CDH13: variants seen among roughly 807,000 people sequenced by gnomAD.
The protein encoded by CDH13 is cadherin-13.
A neutral mutation model predicts 63.8 loss-of-function variants in CDH13; 24 were observed. The observed-to-expected ratio is 0.38, with a 90% CI of 0.27 to 0.53. The LOEUF (loss-of-function observed/expected upper bound fraction) is 0.53. Among genes scored for constraint, CDH13 ranks in the 20% least tolerant of loss-of-function variants. CDH13 has a pLI of 0.85. For missense variants in CDH13, 1,049 were observed against 903.1 expected, an observed-to-expected ratio of 1.16 and a Z score of -2.07; for synonymous variants, 503 against 355.3, an observed-to-expected ratio of 1.42 and a Z score of -4.67.
At chr16:83,737,721 C>T (rs952449720) in intron 10 of CDH13, among the ~76,000 whole-genome samples, 1 of 152,302 alleles carries the variant, frequency 6.6e-6, no homozygotes, top group Middle Eastern at 3.4e-3. Context: ...ATATCATCAA[C>T]AGCCCTGATC....
intron 3 of CDH13, among the ~76,000 whole-genome samples, chr16:83,101,994 G>C (rs1056545149): frequency 2.6e-5 from 4 of 152,172 alleles, no homozygotes; most frequent in Non-Finnish European, 5.9e-5. Flanking sequence ...TCAAGTTAAG[G>C]ATTTTGGATT....
At chr16:83,424,234 A>C (rs1181199176) in intron 6 of CDH13, among the ~76,000 whole-genome samples, 2 of 149,392 alleles carry the variant, frequency 1.3e-5, no homozygotes, top group Non-Finnish European at 3.0e-5. Context: ...ACAGTCTAGA[A>C]GAGGAAAATC....
chr16:83,173,742 C>A (rs936958171), intron 4 of CDH13, among the ~76,000 whole-genome samples: 2 of 152,128 alleles, frequency 1.3e-5, no homozygotes, highest in African/African-American at 4.8e-5. Flanking sequence ...CTCTCCCAAT[C>A]TTCTGGGCCT....
In CDH13 at chr16:83,102,954, T is replaced by C. The variant is rs554188943; in HGVS notation, c.367-22431T>C. 1.2e-3 allele frequency among the ~76,000 whole-genome samples: 135 copies of C among 116,834 alleles called. 3 individuals are homozygous for C. The highest frequency in any genetic ancestry group is 3.9e-3 in the East Asian group (17 of 4,356). 76.6% of individuals were successfully genotyped at this position (116,834 alleles called of 152,430 possible). A position where few individuals can be genotyped will look rare whatever the true frequency, so the allele number is the denominator to read the frequency against. The stretch of plus-strand genomic sequence containing the variant: ...TCTTTTTTTTTTTCTTTTTCTTTTT[T>C]TTTTTTTTTTTTTTTTGAGGTGGAG... On this transcript the variant is annotated intron_variant, in intron 3 of 13. Coordinates refer to ENST00000567109, the MANE Select transcript of CDH13 (RefSeq NM_001257.5).
intron 4 of CDH13, among the ~76,000 whole-genome samples, chr16:83,207,855 T>C (rs144760824): frequency 0.013 from 2,019 of 151,834 alleles, 44 homozygotes; most frequent in African/African-American, 0.046. Context: ...ACAATGAACA[T>C]TGACTTCCTT....
intron 8 of CDH13, among the ~76,000 whole-genome samples, chr16:83,666,624 C>A (rs955454361): frequency 2.0e-5 from 3 of 152,214 alleles, no homozygotes; most frequent in African/African-American, 7.2e-5. Context: ...CCCCTTCATT[C>A]CAGCCACACC....
chr16:82,955,683 A>G (rs1905976072), intron 2 of CDH13, among the ~76,000 whole-genome samples: 1 of 152,214 alleles, frequency 6.6e-6, no homozygotes, highest in African/African-American at 2.4e-5. Context: ...ATTGTGTTAG[A>G]GAAAAATAAA....
chr16:82,969,848 T>C lies in CDH13; in HGVS notation c.158-62162T>C, dbSNP rs1006322766. On this transcript the variant is annotated intron_variant, in intron 2 of 13. Transcript: ENST00000567109. ...ACAAGATGGCTAGCAAACTCTTCTC[T>C]CCAGGAAACGTCTTCCTAATAAGGC... Among the ~76,000 whole-genome samples, 15 of 152,150 alleles carry C rather than the reference T, an allele frequency of 9.9e-5. No homozygotes were observed. In the South Asian group the frequency reaches 1.2e-3, roughly 13 times the overall value.
At chr16:83,566,806 G>T (rs1904284913) in intron 7 of CDH13, among the ~76,000 whole-genome samples, 1 of 152,172 alleles carries the variant, frequency 6.6e-6, no homozygotes, top group South Asian at 2.1e-4. Flanking sequence ...TGCTTCCAGA[G>T]GCAGAATCCC....
At chr16:82,873,539 T>A (rs962989814) in intron 2 of CDH13, among the ~76,000 whole-genome samples, 1 of 152,184 alleles carries the variant, frequency 6.6e-6, no homozygotes, top group Admixed American at 6.5e-5. Context: ...ATATTGCCTG[T>A]CTCTGTCACT....
chr16:83,353,938 G>C (rs1182249810), intron 6 of CDH13, among the ~76,000 whole-genome samples: 1 of 152,192 alleles, frequency 6.6e-6, no homozygotes, highest in Non-Finnish European at 1.5e-5. Flanking sequence ...TCTATATTTG[G>C]AAGAGGGAAG....
At chr16:83,419,298 A>G (rs935132223) in intron 6 of CDH13, among the ~76,000 whole-genome samples, 2 of 152,160 alleles carry the variant, frequency 1.3e-5, no homozygotes, top group Non-Finnish European at 2.9e-5. Flanking sequence ...CCACCCATAC[A>G]AGGTATGCTG....
chr16:83,700,748 C>T (rs1048858705), intron 10 of CDH13, among the ~76,000 whole-genome samples: 5 of 152,106 alleles, frequency 3.3e-5, no homozygotes, highest in African/African-American at 1.2e-4. Flanking sequence ...ACCTTTAATC[C>T]CACTGCCCAG....
chr16:83,751,193 C>G, intron 11 of CDH13, among the ~76,000 whole-genome samples: 1 of 152,188 alleles, frequency 6.6e-6, no homozygotes, highest in African/African-American at 2.4e-5. Flanking sequence ...CAGGCACTCA[C>G]ATGCCTGTAG....
intron 6 of CDH13, among the ~76,000 whole-genome samples, chr16:83,465,885 A>C (rs1033371497): frequency 4.6e-5 from 7 of 152,216 alleles, no homozygotes; most frequent in African/African-American, 1.7e-4. Context: ...TGAACTTGAA[A>C]TCACTGGTGG....
chr16:82,999,259 C>G (rs1814047330), intron 2 of CDH13, among the ~76,000 whole-genome samples: 3 of 151,910 alleles, frequency 2.0e-5, no homozygotes, highest in South Asian at 2.1e-4. Flanking sequence ...TTTTTCCCCC[C>G]TCCTTTGTCA....
At chr16:83,392,554 C>G (rs1017196579) in intron 6 of CDH13, among the ~76,000 whole-genome samples, 1 of 152,122 alleles carries the variant, frequency 6.6e-6, no homozygotes, top group African/African-American at 2.4e-5. Context: ...GTAAGAACAT[C>G]ACACGAATGA....
At position 83,315,641 on chromosome 16, in the gene CDH13, TAA is replaced by T. The variant is rs11420080; in HGVS notation, c.637-29210_637-29209del. 5.3e-3 allele frequency among the ~76,000 whole-genome samples: 780 copies of T among 147,352 alleles called. 7 individuals are homozygous for T. The highest frequency in any genetic ancestry group is 0.016 in the East Asian group (82 of 5,078). Reference sequence around the variant, plus strand: ...CCAAATATGTTACAAACTCTGGATTTAAAAAAAAAAAACAGCTCTAAGAAAAT... The same window carrying T: ...CCAAATATGTTACAAACTCTGGATTTAAAAAAAAAACAGCTCTAAGAAAAT... On this transcript the variant is annotated intron_variant, in intron 5 of 13. Transcript: ENST00000567109.
intron 2 of CDH13, among the ~76,000 whole-genome samples, chr16:82,861,512 C>G (rs980600963): frequency 2.0e-5 from 3 of 152,160 alleles, no homozygotes; most frequent in Admixed American, 2.0e-4. Flanking sequence ...AATGTTTATT[C>G]TGTGGATGGC....
Sources: allele counts gnomAD v4.1 joint callset (sites outside exome capture counted in the v4.1 genomes callset), GRCh38; gene constraint gnomAD v4.1.1; transcripts MANE v1.5; gene names NCBI Gene and HGNC (gene_info 2026-07-23, HGNC 2026-07-21).